Variants in GIMAP8 observed in about 807,000 individuals in gnomAD.
The protein encoded by GIMAP8 is GTPase, IMAP family member 8.
GIMAP8 carries 29 observed loss-of-function variants against 35.6 expected under a neutral mutation model. That is an observed-to-expected ratio of 0.81 (90% CI 0.61 to 1.11). GIMAP8 has a LOEUF of 1.11. GIMAP8 is among the 50% of genes most tolerant of loss of function. The pLI, the probability that GIMAP8 is intolerant of heterozygous loss-of-function variation, is 0.00. For synonymous variants in GIMAP8, 335 were observed against 308.7 expected, an observed-to-expected ratio of 1.09 and a Z score of -0.89; for missense variants, 811 against 805.0, an observed-to-expected ratio of 1.01 and a Z score of -0.09.
chr7:150,465,348 G>A (rs918532357), intron 1 of GIMAP8, among the ~76,000 whole-genome samples: 1 of 152,160 alleles, frequency 6.6e-6, no homozygotes, highest in Non-Finnish European at 1.5e-5. Flanking sequence ...TTTTTAAAGA[G>A]AGGAACACAG....
In GIMAP8 at chr7:150,467,452, G is replaced by C. The variant is rs1005078563; in HGVS notation, c.636+118G>C. On this transcript the variant is annotated intron_variant, in intron 2 of 4. Coordinates refer to ENST00000307271, the MANE Select transcript of GIMAP8 (RefSeq NM_175571.4). ...ATGGAACATGGGTTTTGTTTAATAAGATATTTATATATAATTTGCAGGAAT... is the reference window on the plus strand; with the variant it reads ...ATGGAACATGGGTTTTGTTTAATAACATATTTATATATAATTTGCAGGAAT... The C allele has an allele frequency of 1.3e-5, 10 of 785,250 alleles. No individual in the cohort carries two copies. The African/African-American group carries it at 1.8e-4, about 14-fold the overall frequency. The allele number at this position is 785,250 out of a possible 1,614,324, so 48.6% of individuals were successfully genotyped here.
intron 2 of GIMAP8, among the ~76,000 whole-genome samples, chr7:150,469,510 T>G (rs1004991772): frequency 4.6e-5 from 7 of 152,258 alleles, no homozygotes; most frequent in Non-Finnish European, 8.8e-5. Context: ...ATCACATGTA[T>G]GTCAGGAATT....
chr7:150,466,866 G>A lies in GIMAP8; in HGVS notation c.168G>A (p.Leu56=). 6.2e-7 allele frequency: 1 copy of A among 1,614,262 alleles called. No homozygotes were observed. Among genetic ancestry groups the A allele is most frequent in the Non-Finnish European group, 8.5e-7 (1 of 1,180,046 alleles). The part of the protein sequence containing the change: ...IKMCQRESWV[L]RERKVVVIDT... ...TGTGCCAGAGAGAGAGTTGGGTCCT[G>A]AGAGAAAGGAAGGTTGTGGTAATTG... The change falls in exon 2 of 5, where the codon CTG becomes CTA. Residue 56 remains leucine (L), a synonymous_variant. Coordinates refer to ENST00000307271, the MANE Select transcript of GIMAP8 (RefSeq NM_175571.4).
Position 150,477,138 on chromosome 7 carries a change from T to C in GIMAP8, c.1356T>C (p.Ser452=). 1.2e-6 allele frequency: 2 copies of C among 1,612,550 alleles called. No individual in the cohort carries two copies. The highest frequency in any genetic ancestry group is 1.7e-6 in the Non-Finnish European group (2 of 1,178,982). Residue 452 remains serine (S), a synonymous_variant, in exon 5 of 5, where the codon AGT becomes AGC. Transcript: ENST00000307271. Reference sequence around the variant, plus strand: ...TGGGGAGAAGCGGGACTGGGAAGAGTGCGACCGGGAACTCTATCCTGGGGA... The same window carrying C: ...TGGGGAGAAGCGGGACTGGGAAGAGCGCGACCGGGAACTCTATCCTGGGGA... ...VLVGRSGTGK[S]ATGNSILGSL... is the part of the protein sequence containing the mutation.
In GIMAP8 at chr7:150,477,570, GC is replaced by G. The variant is rs1563289218; in HGVS notation, c.1789del (p.Arg597GlufsTer18). 7.4e-6 allele frequency: 12 copies of G among 1,614,162 alleles called. No homozygotes were observed. The highest frequency in any genetic ancestry group is 2.2e-5 in the East Asian group (1 of 44,890). ...GGCGCATTTTTAAAAAGTGTGGGCG[GC>G]GAGTTTGTGCTTTTAACAACAAAGA... ...LRRIFKKCGR[R>X]VCAFNNKETG... On this transcript the variant is annotated frameshift_variant, in exon 5 of 5. Coordinates refer to ENST00000307271, the MANE Select transcript of GIMAP8 (RefSeq NM_175571.4). LOFTEE classifies it low-confidence loss of function (END_TRUNC).
intron 1 of GIMAP8, among the ~76,000 whole-genome samples, chr7:150,464,621 T>C (rs1252781057): frequency 6.6e-6 from 1 of 152,118 alleles, no homozygotes; most frequent in East Asian, 1.9e-4. Context: ...AGGTTGAGGA[T>C]GTAGTGAGCT....
intron 1 of GIMAP8, among the ~76,000 whole-genome samples, chr7:150,458,140 T>G (rs1030615528): frequency 6.6e-6 from 1 of 152,032 alleles, no homozygotes; most frequent in Non-Finnish European, 1.5e-5. Flanking sequence ...ATGATGTGTG[T>G]GGTGTGTGTG....
At chr7:150,458,391 G>T (rs909807006) in intron 1 of GIMAP8, among the ~76,000 whole-genome samples, 6 of 152,182 alleles carry the variant, frequency 3.9e-5, no homozygotes, top group African/African-American at 1.4e-4. Context: ...ATTCTAATCA[G>T]GTCTTCAACT....
At chr7:150,453,029 C>T (rs1373342778) in intron 1 of GIMAP8, among the ~76,000 whole-genome samples, 1 of 151,966 alleles carries the variant, frequency 6.6e-6, no homozygotes, top group South Asian at 2.1e-4. Flanking sequence ...CAGAACAAAA[C>T]AGGCATGTTT....
intron 1 of GIMAP8, among the ~76,000 whole-genome samples, chr7:150,454,536 C>T (rs1801687636): frequency 1.3e-5 from 2 of 152,052 alleles, no homozygotes; most frequent in South Asian, 4.1e-4. Flanking sequence ...GGGGTGCAGG[C>T]AAGGGTGTGC....
chr7:150,456,683 C>T (rs71537963), intron 1 of GIMAP8, among the ~76,000 whole-genome samples: 7,851 of 152,274 alleles, frequency 0.052, 232 homozygotes, highest in Middle Eastern at 0.068. Context: ...CTGTCTACAA[C>T]AGAAAGTACT....
In GIMAP8 at chr7:150,451,544, T is replaced by C. The variant is rs969061920; in HGVS notation, c.-29+369T>C. The stretch of plus-strand genomic sequence containing the variant: ...AGAGTGGCTGTCCTAAAAGAAGGCG[T>C]GTCGGGGAGTGGGTGTGAGCCCTGA... On this transcript the variant is annotated intron_variant, in intron 1 of 4. Coordinates refer to ENST00000307271, the MANE Select transcript of GIMAP8 (RefSeq NM_175571.4). The surrounding 1 kb of genome is among the most constrained non-coding windows in gnomAD (Gnocchi z 4.1). 2.6e-5 allele frequency among the ~76,000 whole-genome samples: 4 copies of C among 151,822 alleles called. No homozygotes were observed. Among genetic ancestry groups the C allele is most frequent in the African/African-American group, 9.7e-5 (4 of 41,290 alleles).
Position 150,474,365 on chromosome 7 carries a change from A to G in GIMAP8, c.1036A>G (p.Thr346Ala), listed in dbSNP as rs1802173056. The G allele has an allele frequency of 6.2e-7, 1 of 1,614,216 alleles. No homozygotes were observed. The highest frequency in any genetic ancestry group is 1.3e-5 in the African/African-American group (1 of 75,044). ...YTKNDEAVLS[T>A]IQNNFGEKFF... ...TAAGAATGATGAGGCAGTGCTGAGC[A>G]CCATCCAAAACAATTTTGGAGAAAA... Residue 346 changes from threonine (T) to alanine (A), a missense_variant, in exon 4 of 5, where the codon ACC (threonine) becomes GCC (alanine). Thr to Ala is a moderately conservative substitution (Grantham distance 58). Coordinates refer to ENST00000307271, the MANE Select transcript of GIMAP8 (RefSeq NM_175571.4).
chr7:150,474,701 T>C, intron 4 of GIMAP8, 63 bp downstream of exon 4: 2 of 1,050,434 alleles, frequency 1.9e-6, no homozygotes, highest in Middle Eastern at 3.2e-4. Flanking sequence ...ATAAAATATA[T>C]AAGAACTTTT....
Position 150,472,422 on chromosome 7 carries a change from T to G in GIMAP8, c.682+1548T>G, listed in dbSNP as rs1412892603. Among the ~76,000 whole-genome samples, 1 of 152,204 alleles carries G rather than the reference T, an allele frequency of 6.6e-6. No individual in the cohort carries two copies. Among genetic ancestry groups the G allele is most frequent in the East Asian group, 1.9e-4 (1 of 5,188 alleles). On this transcript the variant is annotated intron_variant, in intron 3 of 4. Transcript: ENST00000307271. This position sits in a 1 kb window ranked among gnomAD's most constrained non-coding sequence, Gnocchi z 4.1. ...GATGTTCGGGCAATGCTGTTGTTTT[T>G]GTGTGCTCAGATACGATTGCAGAGT...
In GIMAP8 at chr7:150,456,613, T is replaced by C. The variant is rs565256678; in HGVS notation, c.-29+5438T>C. Among the ~76,000 whole-genome samples the C allele has an allele frequency of 2.6e-5, 4 of 152,316 alleles. No homozygotes were observed. In the East Asian group the frequency reaches 7.7e-4, roughly 29 times the overall value. On this transcript the variant is annotated intron_variant, in intron 1 of 4. Transcript: ENST00000307271. Reference sequence around the variant, plus strand: ...AACATTGGCAAGGCCCCTTTTACCATGTAAAGTAACACAGCCACAGATTCT... The same window carrying C: ...AACATTGGCAAGGCCCCTTTTACCACGTAAAGTAACACAGCCACAGATTCT...
intron 4 of GIMAP8, 42 bp from the exon 5 acceptor site, chr7:150,477,050 A>C (rs372582777): frequency 6.6e-5 from 97 of 1,480,886 alleles, no homozygotes; most frequent in Non-Finnish European, 8.6e-5. Flanking sequence ...CCAATTTCAG[A>C]TCAGCCCATG....
At chr7:150,466,247 T>A (rs896689026) in intron 1 of GIMAP8, among the ~76,000 whole-genome samples, 11 of 152,198 alleles carry the variant, frequency 7.2e-5, no homozygotes, top group African/African-American at 2.4e-4. Context: ...TACTGTGACA[T>A]TTGATGAATA....
intron 2 of GIMAP8, among the ~76,000 whole-genome samples, chr7:150,470,274 A>G (rs1396922561): frequency 6.6e-6 from 1 of 152,236 alleles, no homozygotes; most frequent in Admixed American, 6.5e-5. Flanking sequence ...GGCTGGCATG[A>G]AGATTTAACA....
Sources: gnomAD v4.1 joint callset for allele counts (sites outside exome capture counted in the v4.1 genomes callset) on GRCh38, gnomAD v4.1.1 for gene constraint, Gnocchi (gnomAD v3.1) non-coding constraint, MANE v1.5 for transcripts, NCBI Gene and HGNC (gene_info 2026-07-23, HGNC 2026-07-21) for gene names.